Variants in GREB1L observed in about 807,000 individuals in gnomAD.
GREB1L encodes GREB1-like protein.
A neutral mutation model predicts 200.8 loss-of-function variants in GREB1L; 17 were observed. That is an observed-to-expected ratio of 0.08 (90% confidence interval 0.06 to 0.13). The LOEUF is 0.13. Ranked by LOEUF, GREB1L falls within the 10% of genes least tolerant of loss-of-function variation. The pLI, the probability that GREB1L is intolerant of heterozygous loss-of-function variation, is 1.00. For synonymous variants in GREB1L, 789 were observed against 893.0 expected (o/e 0.88, Z 2.08); for missense variants, 1,657 against 2,367.7 (o/e 0.70, Z 6.23).
chr18:21,305,034 A>C (rs560909961), intron 1 of GREB1L, among the ~76,000 whole-genome samples: 1 of 151,268 alleles, frequency 6.6e-6, no homozygotes, highest in Non-Finnish European at 1.5e-5. Context: ...GCTGGAGTGC[A>C]GTGGCACGGT....
At chr18:21,385,371 CTTTT>C (rs60302271) in intron 4 of GREB1L, among the ~76,000 whole-genome samples, 4 of 140,490 alleles carry the variant, frequency 2.8e-5, no homozygotes, top group Non-Finnish European at 6.2e-5. Flanking sequence ...TTTCTCTTGA[CTTTT>C]TTTTTTTTTT....
At chr18:21,287,231 T>C (rs2038372383) in intron 1 of GREB1L, among the ~76,000 whole-genome samples, 3 of 152,138 alleles carry the variant, frequency 2.0e-5, no homozygotes. Context: ...TGCTATTTTT[T>C]CCCCACACCA....
intron 1 of GREB1L, among the ~76,000 whole-genome samples, chr18:21,256,557 C>A (rs2037801495): frequency 6.6e-6 from 1 of 152,136 alleles, no homozygotes; most frequent in African/African-American, 2.4e-5. Flanking sequence ...CCTTTTGGTA[C>A]AAAAATCAAT....
rs761357982 is a variant in GREB1L, at chr18:21,520,881, C to T, written c.5608+58C>T. ...CTATTGGTTCCCACTGAGCAAAATA[C>T]AGAAGATAAAGATATTTTTAAAAAG... On this transcript the variant is annotated intron_variant, in intron 32 of 32. Coordinates refer to ENST00000424526, the MANE Select transcript of GREB1L (RefSeq NM_001142966.3). 20 of 1,425,450 alleles carry T rather than the reference C, an allele frequency of 1.4e-5. 1 individual carries two copies. Among genetic ancestry groups the T allele is most frequent in the South Asian group, 5.7e-5 (4 of 70,060 alleles). The allele number at this position is 1,425,450 out of a possible 1,614,324, so 88.3% of individuals were successfully genotyped here. A position where few individuals can be genotyped will look rare whatever the true frequency, so the allele number is the denominator to read the frequency against.
chr18:21,360,674 G>A (rs2039568975), intron 1 of GREB1L, among the ~76,000 whole-genome samples: 1 of 152,186 alleles, frequency 6.6e-6, no homozygotes, highest in Admixed American at 6.5e-5. Context: ...ATGTGACATT[G>A]AGATAGAATT....
chr18:21,449,554 C>T lies in GREB1L; in HGVS notation c.1438C>T (p.Leu480=), dbSNP rs34656972. ...PLREEFEQIM[L]KAMQEFTLRE... ...CAGGGAAGAATTTGAGCAAATTATG[C>T]TGAAAGCTATGCAAGAATTTACTCT... The change falls in exon 12 of 33, where the codon CTG becomes TTG. Residue 480 remains leucine, a synonymous_variant. Transcript: ENST00000424526. The T allele has an allele frequency of 0.018, 28,494 of 1,550,558 alleles. 305 individuals are homozygous for T. Among genetic ancestry groups the T allele is most frequent in the Non-Finnish European group, 0.022 (25,514 of 1,146,438 alleles).
intron 18 of GREB1L, among the ~76,000 whole-genome samples, chr18:21,489,720 G>GTGC (rs2036256973): frequency 1.3e-5 from 2 of 152,126 alleles, no homozygotes; most frequent in Admixed American, 6.5e-5. Flanking sequence ...AAGCTCCCAG[G>GTGC]TGCTGCTGCT....
intron 7 of GREB1L, among the ~76,000 whole-genome samples, chr18:21,424,909 A>G (rs933485888): frequency 4.6e-5 from 7 of 152,124 alleles, no homozygotes; most frequent in Non-Finnish European, 7.3e-5. Context: ...ATTGTTACAC[A>G]TGGTCTTTTG....
chr18:21,259,961 C>T (rs1218056221), intron 1 of GREB1L, among the ~76,000 whole-genome samples: 3 of 151,218 alleles, frequency 2.0e-5, no homozygotes, highest in Non-Finnish European at 3.0e-5. Flanking sequence ...GTTAGTATAC[C>T]GCTTTTGAGA....
intron 17 of GREB1L, among the ~76,000 whole-genome samples, chr18:21,485,006 CA>C (rs2036074186): frequency 1.3e-5 from 2 of 152,132 alleles, no homozygotes; most frequent in Non-Finnish European, 2.9e-5. Flanking sequence ...AGCAACTTGT[CA>C]CACTTCTCAA....
intron 2 of GREB1L, among the ~76,000 whole-genome samples, chr18:21,368,857 C>T (rs2039769009): frequency 6.6e-6 from 1 of 151,914 alleles, no homozygotes; most frequent in Non-Finnish European, 1.5e-5. Flanking sequence ...AGTGACCCAC[C>T]ATTATCAAAA....
rs186614613 is a variant in GREB1L at position 21,475,830 on chromosome 18, G to A, written c.2364-1334G>A. Among the ~76,000 whole-genome samples, 15 of 151,940 alleles carry A rather than the reference G, an allele frequency of 9.9e-5. No individual in the cohort carries two copies. In the East Asian group the frequency reaches 2.6e-3, roughly 26 times the overall value. ...AAAAATACAAAAAAATTAGCTGGGCGTGGTGGCACATGCCTGTAATCCCAG... is the reference window on the plus strand; with the variant it reads ...AAAAATACAAAAAAATTAGCTGGGCATGGTGGCACATGCCTGTAATCCCAG... On this transcript the variant is annotated intron_variant, in intron 16 of 32. Transcript: ENST00000424526.
intron 1 of GREB1L, among the ~76,000 whole-genome samples, chr18:21,263,353 G>A (rs765053360): frequency 1.3e-5 from 2 of 152,244 alleles, no homozygotes; most frequent in Non-Finnish European, 2.9e-5. Context: ...ATAGCCTTAA[G>A]GTTGTTTTCT....
At chr18:21,274,484 C>T (rs1427721683) in intron 1 of GREB1L, among the ~76,000 whole-genome samples, 1 of 152,118 alleles carries the variant, frequency 6.6e-6, no homozygotes, top group African/African-American at 2.4e-5. Context: ...GATAACGGCT[C>T]ACTGCAGTCT....
chr18:21,313,253 A>C (rs2038819970), intron 1 of GREB1L, among the ~76,000 whole-genome samples: 1 of 152,146 alleles, frequency 6.6e-6, no homozygotes. Flanking sequence ...CAGGAAGGTA[A>C]TCGCCATACA....
chr18:21,519,244 T>C (rs1367261366), intron 31 of GREB1L, among the ~76,000 whole-genome samples: 1 of 152,064 alleles, frequency 6.6e-6, no homozygotes, highest in African/African-American at 2.4e-5. Context: ...GGAGGATCAC[T>C]TGAGGCCAGG....
Position 21,383,349 on chromosome 18 carries a change from T to C in GREB1L, c.-9-161T>C, listed in dbSNP as rs542230601. On this transcript the variant is annotated intron_variant, in intron 2 of 32. Coordinates refer to ENST00000424526, the MANE Select transcript of GREB1L (RefSeq NM_001142966.3). ...AAAGCACACGTGACATGATAACAAG[T>C]AACTTACACAAGCTGTCTTAAGATC... 2.0e-5 allele frequency among the ~76,000 whole-genome samples: 3 copies of C among 152,362 alleles called. No individual in the cohort carries two copies. The East Asian group carries it at 5.8e-4, about 29-fold the overall frequency.
intron 7 of GREB1L, among the ~76,000 whole-genome samples, chr18:21,426,799 A>G (rs1266893271): frequency 6.6e-6 from 1 of 151,990 alleles, no homozygotes; most frequent in Admixed American, 6.6e-5. Flanking sequence ...TCTACTGAAA[A>G]TACAAAAAAA....
rs1203322524 is a variant in GREB1L at position 21,384,241 on chromosome 18, T to C, written c.193T>C (p.Leu65=). ...KPKVEDLDKD[L]VNRYTQNGSL... ...CAAGGTGGAGGATCTGGACAAAGATTTGGTAAACCGCTACACTCAAAATGG... is the reference window on the plus strand; with the variant it reads ...CAAGGTGGAGGATCTGGACAAAGATCTGGTAAACCGCTACACTCAAAATGG... Residue 65 remains leucine (L), a synonymous_variant, in exon 4 of 33, where the codon TTG becomes CTG. Coordinates refer to ENST00000424526, the MANE Select transcript of GREB1L (RefSeq NM_001142966.3). The C allele has an allele frequency of 6.4e-7, 1 of 1,551,450 alleles. No individual in the cohort carries two copies. The highest frequency in any genetic ancestry group is 8.7e-7 in the Non-Finnish European group (1 of 1,146,792).
Sources: allele counts gnomAD v4.1 joint callset (sites outside exome capture counted in the v4.1 genomes callset), GRCh38; gene constraint gnomAD v4.1.1; transcripts MANE v1.5; gene names NCBI Gene and HGNC (gene_info 2026-07-23, HGNC 2026-07-21).